Variants in ARHGEF26 observed in about 807,000 individuals in gnomAD.
ARHGEF26 encodes Rho guanine nucleotide exchange factor 26.
ARHGEF26 carries 59 observed loss-of-function variants against 89.4 expected under a neutral mutation model. That is an observed-to-expected ratio of 0.66 (90% CI 0.54 to 0.82). The LOEUF (loss-of-function observed/expected upper bound fraction) is 0.82. Ranked by LOEUF, ARHGEF26 falls within the 40% of genes least tolerant of loss-of-function variation. The pLI, the probability that ARHGEF26 is intolerant of heterozygous loss-of-function variation, is 0.00. For missense variants in ARHGEF26, 1,234 were observed against 1,085.6 expected (o/e 1.14, Z -1.92); for synonymous variants, 500 against 428.4 (o/e 1.17, Z -2.06).
intron 12 of ARHGEF26, among the ~76,000 whole-genome samples, chr3:154,251,015 C>T (rs1216038355): frequency 6.6e-6 from 1 of 151,934 alleles, no homozygotes; most frequent in East Asian, 1.9e-4. Flanking sequence ...GCCTTGGCTT[C>T]TATATAAATT....
rs773704441 is a variant in ARHGEF26, at chr3:154,255,355, G to A, written c.2498G>A (p.Arg833Gln). 151 of 1,613,480 alleles carry A rather than the reference G, an allele frequency of 9.4e-5. No homozygotes were observed. The highest frequency in any genetic ancestry group is 1.2e-4 in the Non-Finnish European group (141 of 1,179,766). Residue 833 changes from arginine to glutamine, a missense_variant, in exon 15 of 15, where the codon CGA (arginine) becomes CAA (glutamine). Physicochemically the swap from Arg to Gln is conservative, Grantham distance 43. Transcript: ENST00000465093. ...GGCTGGTATGAGGGGGAACGACTAC[G>A]AGATGGAGAAAGAGGCTGGTTTCCT... ...SDGWYEGERL[R>Q]DGERGWFPME...
chr3:154,158,364 C>T (rs1576716261), intron 6 of ARHGEF26, among the ~76,000 whole-genome samples: 1 of 152,238 alleles, frequency 6.6e-6, no homozygotes, highest in East Asian at 1.9e-4. Context: ...AGTGCCATGG[C>T]CTAACAATTG....
chr3:154,256,570 AAAAAAC>A lies in ARHGEF26; in HGVS notation c.*1098_*1103del, dbSNP rs1371301873. 439 of 1,002,376 alleles carry A rather than the reference AAAAAAC, an allele frequency of 4.4e-4. 8 individuals carry two copies. The South Asian group carries it at 4.4e-3, about 10-fold the overall frequency. The allele number at this position is 1,002,376 out of a possible 1,614,324, so 62.1% of individuals were successfully genotyped here. A position where few individuals can be genotyped will look rare whatever the true frequency, so the allele number is the denominator to read the frequency against. ...AATTAAAAAAAAAAAAAAAAAAAAA[AAAAAAC>A]CTTCCCAAATGAGCTGATAAAAAAC... On this transcript the variant is annotated 3_prime_UTR_variant, in exon 15 of 15. Transcript: ENST00000465093.
At chr3:154,231,913 TCAC>T (rs1716849699) in intron 11 of ARHGEF26, among the ~76,000 whole-genome samples, 1 of 149,490 alleles carries the variant, frequency 6.7e-6, no homozygotes, top group African/African-American at 2.5e-5. Context: ...TTTTTTTTTT[TCAC>T]TATTCCTAAA....
chr3:154,235,049 CTAGTT>C (rs1015586334), intron 11 of ARHGEF26, among the ~76,000 whole-genome samples: 1 of 152,060 alleles, frequency 6.6e-6, no homozygotes, highest in Non-Finnish European at 1.5e-5. Context: ...CATCATAAGG[CTAGTT>C]TATTCTTTTT....
At chr3:154,136,766 A>C (rs1157960505) in intron 4 of ARHGEF26, among the ~76,000 whole-genome samples, 1 of 152,200 alleles carries the variant, frequency 6.6e-6, no homozygotes, top group Non-Finnish European at 1.5e-5. Context: ...TGTTGCTTAA[A>C]ATAGTAATTT....
rs1317333445 is a variant in ARHGEF26, at chr3:154,253,200, G to A, written c.2368+17G>A. ...ACCGAACCTGTAAGTTCTCTCAAGGGGAAGCCCACTTGGGAACATGGATGG... is the reference window on the plus strand; with the variant it reads ...ACCGAACCTGTAAGTTCTCTCAAGGAGAAGCCCACTTGGGAACATGGATGG... On this transcript the variant is annotated intron_variant, in intron 13 of 14. Coordinates refer to ENST00000465093, the MANE Select transcript of ARHGEF26 (RefSeq NM_015595.4). 6.2e-7 allele frequency: 1 copy of A among 1,613,892 alleles called. No individual in the cohort carries two copies. The highest frequency in any genetic ancestry group is 8.5e-7 in the Non-Finnish European group (1 of 1,179,808).
chr3:154,192,664 G>A (rs1450052631), intron 8 of ARHGEF26, among the ~76,000 whole-genome samples: 1 of 152,048 alleles, frequency 6.6e-6, no homozygotes, highest in African/African-American at 2.4e-5. Flanking sequence ...TATCAGAATC[G>A]AATTTTTGCT....
At chr3:154,190,912 ATATATGTT>A (rs1280162536) in intron 7 of ARHGEF26, among the ~76,000 whole-genome samples, 2 of 152,126 alleles carry the variant, frequency 1.3e-5, no homozygotes, top group Non-Finnish European at 2.9e-5. Context: ...CTTATTAATG[ATATATGTT>A]TATAGATGAT....
chr3:154,159,527 C>G (rs1713809), intron 6 of ARHGEF26, among the ~76,000 whole-genome samples: 1 of 151,798 alleles, frequency 6.6e-6, no homozygotes, highest in Non-Finnish European at 1.5e-5. Context: ...TAGTACTTAC[C>G]CCGCACTTGC....
chr3:154,251,510 A>G (rs749877777), intron 12 of ARHGEF26, among the ~76,000 whole-genome samples: 3 of 152,202 alleles, frequency 2.0e-5, no homozygotes, highest in African/African-American at 4.8e-5. Context: ...TGTTGTAGAG[A>G]TAATGCAGTG....
chr3:154,225,234 A>T (rs1716411088), intron 10 of ARHGEF26, among the ~76,000 whole-genome samples: 1 of 152,180 alleles, frequency 6.6e-6, no homozygotes, highest in Non-Finnish European at 1.5e-5. Context: ...TCATTTTCAC[A>T]GCCAGAAAGT....
intron 6 of ARHGEF26, among the ~76,000 whole-genome samples, chr3:154,173,124 C>T (rs901996511): frequency 1.3e-5 from 2 of 152,024 alleles, no homozygotes; most frequent in East Asian, 1.9e-4. Flanking sequence ...CATTTCATAT[C>T]GTAATTATGC....
rs369622147 is a variant in ARHGEF26 at position 154,256,594 on chromosome 3, T to G, written c.*1121T>G. On this transcript the variant is annotated 3_prime_UTR_variant, in exon 15 of 15. Transcript: ENST00000465093. ...AAAAAAACCTTCCCAAATGAGCTGA[T>G]AAAAAACTGACGTGAGGCTGCTTTG... 1 of 808,774 alleles carries G rather than the reference T, an allele frequency of 1.2e-6. No individual in the cohort carries two copies. The highest frequency in any genetic ancestry group is 1.4e-6 in the Non-Finnish European group (1 of 690,186). 50.1% of individuals were successfully genotyped at this position (808,774 alleles called of 1,614,324 possible). A position where few individuals can be genotyped will look rare whatever the true frequency, so the allele number is the denominator to read the frequency against.
chr3:154,142,940 C>T (rs1369491296), intron 4 of ARHGEF26, among the ~76,000 whole-genome samples: 1 of 152,136 alleles, frequency 6.6e-6, no homozygotes, highest in Admixed American at 6.5e-5. Context: ...CCTCCCTTTA[C>T]CTTAGCTTCT....
intron 9 of ARHGEF26, among the ~76,000 whole-genome samples, chr3:154,211,135 C>T (rs1294883992): frequency 1.3e-5 from 2 of 151,990 alleles, no homozygotes; most frequent in African/African-American, 4.8e-5. Context: ...CTTGCCAGCA[C>T]TCACTTGGCT....
At chr3:154,163,969 C>T (rs886352533) in intron 6 of ARHGEF26, among the ~76,000 whole-genome samples, 7 of 152,042 alleles carry the variant, frequency 4.6e-5, no homozygotes, top group African/African-American at 1.7e-4. Context: ...ACATACACTA[C>T]CCTCCTTAAA....
At chr3:154,224,629 T>C (rs916862841) in intron 10 of ARHGEF26, among the ~76,000 whole-genome samples, 11 of 152,182 alleles carry the variant, frequency 7.2e-5, no homozygotes, top group Non-Finnish European at 1.6e-4. Context: ...GCCGGAGTTA[T>C]CTAAGCAATC....
At position 154,255,713 on chromosome 3, in the gene ARHGEF26, A is replaced by G; in HGVS notation, c.*240A>G. 7.6e-7 allele frequency: 1 copy of G among 1,317,152 alleles called. No individual in the cohort carries two copies. The highest frequency in any genetic ancestry group is 9.6e-7 in the Non-Finnish European group (1 of 1,038,004). 81.6% of individuals were successfully genotyped at this position (1,317,152 alleles called of 1,614,324 possible). A position where few individuals can be genotyped will look rare whatever the true frequency, so the allele number is the denominator to read the frequency against. On this transcript the variant is annotated 3_prime_UTR_variant, in exon 15 of 15. Transcript: ENST00000465093. ...GCAGACCTCCTGAGGTACACAGAATAGCTGAGCAGTTCACTTCAGGGATCA... is the reference window on the plus strand; with the variant it reads ...GCAGACCTCCTGAGGTACACAGAATGGCTGAGCAGTTCACTTCAGGGATCA...
Sources: gnomAD v4.1 joint callset for allele counts (sites outside exome capture counted in the v4.1 genomes callset) on GRCh38, gnomAD v4.1.1 for gene constraint, MANE v1.5 for transcripts, NCBI Gene and HGNC (gene_info 2026-07-23, HGNC 2026-07-21) for gene names.